Variants in PTPRG observed in about 807,000 individuals in gnomAD.
PTPRG encodes protein tyrosine phosphatase receptor type G.
PTPRG carries 102 observed loss-of-function variants against 165.3 expected under a neutral mutation model. That is an observed-to-expected ratio of 0.62 (90% CI 0.53 to 0.73). PTPRG has a LOEUF of 0.73. Among genes scored for constraint, PTPRG ranks in the 30% least tolerant of loss-of-function variants. PTPRG has a pLI of 0.00. For synonymous variants in PTPRG, 675 were observed against 669.5 expected, an observed-to-expected ratio of 1.01 and a Z score of -0.13; for missense variants, 1,866 against 1,861.4, an observed-to-expected ratio of 1.00 and a Z score of -0.05.
intron 2 of PTPRG, among the ~76,000 whole-genome samples, chr3:61,813,088 T>C (rs560611797): frequency 1.3e-3 from 192 of 151,558 alleles, no homozygotes; most frequent in Non-Finnish European, 2.2e-3. Context: ...AACAGGTGAG[T>C]GAGGTAGAAC....
chr3:61,970,396 C>A (rs1257065270), intron 2 of PTPRG, among the ~76,000 whole-genome samples: 1 of 152,122 alleles, frequency 6.6e-6, no homozygotes, highest in African/African-American at 2.4e-5. Flanking sequence ...CTAAGGAGGG[C>A]TGAAGAAAAC....
At chr3:61,921,779 A>C (rs923365648) in intron 2 of PTPRG, among the ~76,000 whole-genome samples, 1 of 152,216 alleles carries the variant, frequency 6.6e-6, no homozygotes, top group African/African-American at 2.4e-5. Context: ...TTTTTTGGAA[A>C]AGGTTCCTCA....
intron 1 of PTPRG, among the ~76,000 whole-genome samples, chr3:61,676,350 G>A (rs190691797): frequency 3.9e-4 from 59 of 149,846 alleles, no homozygotes; most frequent in African/African-American, 1.3e-3. Flanking sequence ...CCAGCTACTC[G>A]GGAGGCTGAG....
At chr3:61,988,326 C>G (rs1158749825) in intron 2 of PTPRG, among the ~76,000 whole-genome samples, 3 of 152,094 alleles carry the variant, frequency 2.0e-5, no homozygotes, top group Non-Finnish European at 4.4e-5. Context: ...TGTGATTGTC[C>G]CATTTTTCTT....
chr3:62,045,486 A>G (rs1377235686), intron 4 of PTPRG, among the ~76,000 whole-genome samples: 1 of 152,176 alleles, frequency 6.6e-6, no homozygotes, highest in Admixed American at 6.5e-5. Context: ...TCTTTAACAG[A>G]CATGAACTGT....
chr3:62,017,025 C>G (rs914818292), intron 4 of PTPRG, among the ~76,000 whole-genome samples: 2 of 152,140 alleles, frequency 1.3e-5, no homozygotes, highest in African/African-American at 4.8e-5. Context: ...AACTCCCTCC[C>G]CCTCCCTCAC....
chr3:61,907,168 C>G (rs972179280), intron 2 of PTPRG, among the ~76,000 whole-genome samples: 4 of 151,584 alleles, frequency 2.6e-5, no homozygotes, highest in Non-Finnish European at 5.9e-5. Context: ...TAAATGGTGT[C>G]ATAGTAAATA....
intron 1 of PTPRG, among the ~76,000 whole-genome samples, chr3:61,578,151 C>T (rs1700207537): frequency 1.3e-5 from 2 of 152,226 alleles, no homozygotes; most frequent in Admixed American, 1.3e-4. Flanking sequence ...GTTGGTGCTA[C>T]ATCGTGGGAC....
At chr3:62,113,813 G>C (rs1295443549) in intron 5 of PTPRG, among the ~76,000 whole-genome samples, 1 of 152,138 alleles carries the variant, frequency 6.6e-6, no homozygotes, top group Non-Finnish European at 1.5e-5. Flanking sequence ...AGAAGATACA[G>C]ATTTTCCTCA....
chr3:62,238,722 A>G (rs1238237012), intron 14 of PTPRG, among the ~76,000 whole-genome samples: 3 of 152,154 alleles, frequency 2.0e-5, no homozygotes, highest in African/African-American at 4.8e-5. Context: ...TAAGCCAAAG[A>G]GCTATGCACT....
intron 1 of PTPRG, among the ~76,000 whole-genome samples, chr3:61,690,467 C>T (rs2030127572): frequency 6.6e-6 from 1 of 152,194 alleles, no homozygotes; most frequent in African/African-American, 2.4e-5. Flanking sequence ...TTTTCATCAC[C>T]TGGACGTCTG....
Position 61,563,902 on chromosome 3 carries a change from G to T in PTPRG, c.85+1530G>T, listed in dbSNP as rs1043867630. Among the ~76,000 whole-genome samples, 3 of 152,214 alleles carry T rather than the reference G, an allele frequency of 2.0e-5. No individual in the cohort carries two copies. The East Asian group carries it at 5.8e-4, about 29-fold the overall frequency. On this transcript the variant is annotated intron_variant, in intron 1 of 29. Transcript: ENST00000474889. ...AAGGGAAAACACCGTCTGGTATTCT[G>T]CACCCCCTTTTCTCTCTGCGCATCC...
intron 6 of PTPRG, among the ~76,000 whole-genome samples, chr3:62,142,507 T>A (rs183194464): frequency 6.6e-6 from 1 of 152,260 alleles, no homozygotes; most frequent in Admixed American, 6.5e-5. Context: ...TATTTCACAA[T>A]CAAAGAAGAC....
chr3:61,661,975 T>G (rs192225958), intron 1 of PTPRG, among the ~76,000 whole-genome samples: 5 of 152,294 alleles, frequency 3.3e-5, no homozygotes, highest in African/African-American at 1.2e-4. Flanking sequence ...TTTATACATG[T>G]TGGTGTAGCT....
At chr3:61,752,889 A>G (rs1037214295) in intron 2 of PTPRG, among the ~76,000 whole-genome samples, 3 of 151,658 alleles carry the variant, frequency 2.0e-5, no homozygotes, top group Non-Finnish European at 4.4e-5. Context: ...ATAACTTTTC[A>G]CTTCTCATTT....
At chr3:61,903,858 T>C (rs1340415293) in intron 2 of PTPRG, among the ~76,000 whole-genome samples, 1 of 152,252 alleles carries the variant, frequency 6.6e-6, no homozygotes, top group Non-Finnish European at 1.5e-5. Context: ...ATTATTTTTA[T>C]ATTTTATTAA....
At chr3:62,159,687 C>G (rs1439743725) in intron 7 of PTPRG, among the ~76,000 whole-genome samples, 2 of 152,186 alleles carry the variant, frequency 1.3e-5, no homozygotes, top group African/African-American at 4.8e-5. Context: ...TAACTTCTCT[C>G]TAGGTATTGT....
At chr3:62,063,954 G>C (rs948786400) in intron 4 of PTPRG, among the ~76,000 whole-genome samples, 11 of 152,214 alleles carry the variant, frequency 7.2e-5, no homozygotes, top group Admixed American at 5.9e-4. Context: ...ATGTGGAGCT[G>C]TCTGTTGCTA....
chr3:62,092,063 G>GACAC (rs58689072), intron 5 of PTPRG, among the ~76,000 whole-genome samples: 1 of 114,874 alleles, frequency 8.7e-6, no homozygotes, highest in African/African-American at 3.5e-5. Context: ...CTTATACATG[G>GACAC]ACACACACAC....
Sources: gnomAD v4.1 joint callset for allele counts (sites outside exome capture counted in the v4.1 genomes callset) on GRCh38, gnomAD v4.1.1 for gene constraint, MANE v1.5 for transcripts, NCBI Gene and HGNC (gene_info 2026-07-23, HGNC 2026-07-21) for gene names.